Variants in NFIA observed in about 807,000 individuals in gnomAD.
NFIA encodes the protein nuclear factor 1 A-type.
Under a neutral mutation model 62.8 loss-of-function variants are expected in NFIA, and 8 were observed. That is an observed-to-expected ratio of 0.13 (90% CI 0.07 to 0.23). The LOEUF (loss-of-function observed/expected upper bound fraction) is 0.23. NFIA is among the 10% of genes least tolerant of loss of function. NFIA has a pLI of 1.00. For synonymous variants in NFIA, 235 were observed against 238.1 expected, an observed-to-expected ratio of 0.99 and a Z score of 0.12; for missense variants, 410 against 642.1, an observed-to-expected ratio of 0.64 and a Z score of 3.91.
chr1:61,454,597 G>A (rs60681025), intron 10 of NFIA, among the ~76,000 whole-genome samples: 1,555 of 152,270 alleles, frequency 0.01, 24 homozygotes, highest in African/African-American at 0.036. Flanking sequence ...TATGTTTCAT[G>A]TTTGAAAATA....
At chr1:61,185,144 C>G (rs1474641348) in intron 2 of NFIA, among the ~76,000 whole-genome samples, 1 of 152,002 alleles carries the variant, frequency 6.6e-6, no homozygotes, top group South Asian at 2.1e-4. Flanking sequence ...ATCTTTGCAC[C>G]CTGACATGTG....
chr1:61,381,379 T>C (rs1208703304), intron 6 of NFIA, among the ~76,000 whole-genome samples: 3 of 152,170 alleles, frequency 2.0e-5, no homozygotes, highest in Admixed American at 2.0e-4. Flanking sequence ...TTACAGTGAA[T>C]GTTCACCCAA....
chr1:61,377,680 A>G (rs532396021), intron 6 of NFIA, among the ~76,000 whole-genome samples: 1 of 152,262 alleles, frequency 6.6e-6, no homozygotes, highest in African/African-American at 2.4e-5. Flanking sequence ...TCTATTCTTG[A>G]CTTTGTCACT....
chr1:61,368,947 T>C (rs905721282), intron 6 of NFIA, among the ~76,000 whole-genome samples: 1 of 152,130 alleles, frequency 6.6e-6, no homozygotes, highest in Non-Finnish European at 1.5e-5. Flanking sequence ...GAAGGGTAAC[T>C]GGTTAAATAA....
In NFIA at chr1:61,268,594, G is replaced by A. The variant is rs371039327; in HGVS notation, c.560-8926G>A. Among the ~76,000 whole-genome samples, 1,062 of 152,188 alleles carry A rather than the reference G, an allele frequency of 7.0e-3. 20 individuals carry two copies. Among genetic ancestry groups the A allele is most frequent in the Non-Finnish European group, 7.3e-3 (497 of 68,014 alleles). ...CAGTTGTCATTATCTTTGTCTAAAG[G>A]TCATAGCTAAATTGAATAAAAGGAA... On this transcript the variant is annotated intron_variant, in intron 2 of 10. Transcript: ENST00000403491.
intron 3 of NFIA, among the ~76,000 whole-genome samples, chr1:61,292,992 T>C (rs939991443): frequency 6.6e-6 from 1 of 152,206 alleles, no homozygotes; most frequent in Non-Finnish European, 1.5e-5. Flanking sequence ...TATTTCTGTC[T>C]GATCTACCTG....
At chr1:61,331,745 A>G (rs138588807) in intron 3 of NFIA, among the ~76,000 whole-genome samples, 46 of 152,208 alleles carry the variant, frequency 3.0e-4, no homozygotes, top group African/African-American at 6.7e-4. Context: ...TATAAGTTCT[A>G]TGTTTCTGAA....
rs188583283 is a variant in NFIA, at chr1:61,326,524, A to G, written c.626-5988A>G. 4.2e-5 allele frequency among the ~76,000 whole-genome samples: 5 copies of G among 118,424 alleles called. No individual in the cohort carries two copies. The Admixed American group carries it at 4.3e-4, about 10-fold the overall frequency. The allele number at this position is 118,424 out of a possible 152,430, so 77.7% of individuals were successfully genotyped here. ...GTTTGAGTTTCATTCACTCTGAGGC[A>G]TCTCAGGAACACTGACCCCATCAGG... On this transcript the variant is annotated intron_variant, in intron 3 of 10. Transcript: ENST00000403491.
chr1:61,449,646 GA>G (rs1352990199), intron 10 of NFIA, among the ~76,000 whole-genome samples: 7 of 150,570 alleles, frequency 4.6e-5, no homozygotes, highest in African/African-American at 1.7e-4. Context: ...CAAAAGTGTT[GA>G]GGACAAGTGG....
intron 10 of NFIA, 27 bp from the exon 11 acceptor site, chr1:61,455,276 A>C: frequency 1.2e-6 from 2 of 1,612,174 alleles, no homozygotes; most frequent in Non-Finnish European, 1.7e-6. Context: ...TTGTGATTTT[A>C]ATTGTATTTT....
chr1:61,173,305 AC>A (rs769569902), intron 2 of NFIA, among the ~76,000 whole-genome samples: 9 of 152,182 alleles, frequency 5.9e-5, no homozygotes, highest in Non-Finnish European at 1.3e-4. Context: ...GTGTCTAGGG[AC>A]CTGGCCTCCT....
intron 3 of NFIA, among the ~76,000 whole-genome samples, chr1:61,298,659 T>C (rs1340100252): frequency 6.6e-6 from 1 of 152,176 alleles, no homozygotes; most frequent in Non-Finnish European, 1.5e-5. Flanking sequence ...TGAGCCTTGG[T>C]TTACTTCCGT....
intron 3 of NFIA, among the ~76,000 whole-genome samples, chr1:61,295,172 G>A (rs977840121): frequency 2.6e-5 from 4 of 152,148 alleles, no homozygotes; most frequent in African/African-American, 9.7e-5. Context: ...CCTAAGTGCA[G>A]CACTCTGACA....
At chr1:61,167,577 T>G (rs1649671259) in intron 2 of NFIA, among the ~76,000 whole-genome samples, 1 of 152,196 alleles carries the variant, frequency 6.6e-6, no homozygotes, top group South Asian at 2.1e-4. Context: ...TGATTATAAT[T>G]AAGTCAGTCT....
Position 61,462,676 on chromosome 1 carries a change from CT to C in NFIA, c.*7358del, listed in dbSNP as rs1248464042. 1 of 152,196 alleles carries C rather than the reference CT, an allele frequency of 6.6e-6. No individual in the cohort carries two copies. The highest frequency in any genetic ancestry group is 1.9e-4 in the East Asian group (1 of 5,204). The allele number at this position is 152,196 out of a possible 1,614,324, so 9.4% of individuals were successfully genotyped here. A position where few individuals can be genotyped will look rare whatever the true frequency, so the allele number is the denominator to read the frequency against. ...TGAGCTGGTGTGGATTAGTTTAACT[CT>C]TGTATTCAACCATTAGTGCTACCAC... On this transcript the variant is annotated 3_prime_UTR_variant, in exon 11 of 11. Transcript: ENST00000403491.
chr1:61,366,939 A>G (rs950248203), intron 6 of NFIA, among the ~76,000 whole-genome samples: 3 of 152,182 alleles, frequency 2.0e-5, no homozygotes, highest in African/African-American at 4.8e-5. Flanking sequence ...ACAAAAATGA[A>G]GTATTTTAAT....
intron 2 of NFIA, among the ~76,000 whole-genome samples, chr1:61,180,061 C>T (rs1407583367): frequency 3.9e-5 from 6 of 152,130 alleles, no homozygotes; most frequent in Non-Finnish European, 7.3e-5. Context: ...AGAGAGCATC[C>T]TCTCTGCAGC....
intron 2 of NFIA, among the ~76,000 whole-genome samples, chr1:61,199,472 A>G (rs140811735): frequency 6.6e-4 from 100 of 152,262 alleles, no homozygotes; most frequent in African/African-American, 2.3e-3. Context: ...TGAGCATACC[A>G]TGGCTTATGT....
chr1:61,363,436 C>T (rs188040587), intron 6 of NFIA, among the ~76,000 whole-genome samples: 230 of 152,202 alleles, frequency 1.5e-3, no homozygotes, highest in Middle Eastern at 3.4e-3. Flanking sequence ...GAAACCCCAT[C>T]TCTACTAAAA....
Sources: allele counts gnomAD v4.1 joint callset (sites outside exome capture counted in the v4.1 genomes callset), GRCh38; gene constraint gnomAD v4.1.1; transcripts MANE v1.5; gene names NCBI Gene and HGNC (gene_info 2026-07-23, HGNC 2026-07-21).